Variants in XPO6 observed in about 807,000 individuals in gnomAD.
XPO6 encodes exportin 6.
A neutral mutation model predicts 130.0 loss-of-function variants in XPO6; 3 were observed. The observed-to-expected ratio is 0.02, with a 90% confidence interval of 0.01 to 0.06. The LOEUF (loss-of-function observed/expected upper bound fraction) is 0.06, where lower values mean the gene tolerates loss of function less well. Among genes scored for constraint, XPO6 ranks in the 10% least tolerant of loss-of-function variants. The pLI is 1.00. For missense variants in XPO6, 970 were observed against 1,393.0 expected, an observed-to-expected ratio of 0.70 and a Z score of 4.83; for synonymous variants, 524 against 548.9, an observed-to-expected ratio of 0.95 and a Z score of 0.63.
At position 28,101,649 on chromosome 16, in the gene XPO6, C is replaced by T; in HGVS notation, c.3085G>A (p.Val1029Met). 6.2e-7 allele frequency: 1 copy of T among 1,612,688 alleles called. No homozygotes were observed. The highest frequency in any genetic ancestry group is 1.1e-5 in the South Asian group (1 of 91,078). ...TTGTGGACCAGGACCTGGAGCAGCA[C>T]GTTCACAAACTGGAACAGCATGGCA... is the stretch of plus-strand genomic sequence containing the variant. ...RTAMLFQFVNVLLQVLVHKSH... is the reference protein window; with the variant it reads ...RTAMLFQFVNMLLQVLVHKSH... Residue 1029 changes from valine to methionine, a missense_variant, in exon 23 of 24, where the codon GTG becomes ATG. Physicochemically the swap from Val to Met is conservative, Grantham distance 21. Coordinates refer to ENST00000304658, the MANE Select transcript of XPO6 (RefSeq NM_015171.4). The surrounding 1 kb of genome is among the most constrained non-coding windows in gnomAD (Gnocchi z 5.4).
At chr16:28,138,099 A>G (rs906617588) in intron 9 of XPO6, among the ~76,000 whole-genome samples, 2 of 152,218 alleles carry the variant, frequency 1.3e-5, no homozygotes, top group Non-Finnish European at 2.9e-5. Context: ...CCGGCAGGGA[A>G]AAAGGCACTA....
intron 1 of XPO6, among the ~76,000 whole-genome samples, chr16:28,191,817 G>A (rs553912845): frequency 3.2e-4 from 48 of 152,340 alleles, no homozygotes; most frequent in African/African-American, 1.1e-3. Context: ...ATAAAAGCAT[G>A]CTGCAAATCT....
rs2044019551 is a variant in XPO6, at chr16:28,205,800, G to C, written c.3+5566C>G. 3.9e-5 allele frequency among the ~76,000 whole-genome samples: 6 copies of C among 152,094 alleles called. No homozygotes were observed. In the South Asian group the frequency reaches 1.2e-3, roughly 32 times the overall value. ...CGCCTGTAATCCCAGCACTTCGGGA[G>C]GCCCAGACGGGTGGATCATGTGAGG... is the stretch of plus-strand genomic sequence containing the variant. On this transcript the variant is annotated intron_variant, in intron 1 of 23. Transcript: ENST00000304658.
At chr16:28,112,371 G>C (rs1027512744) in intron 16 of XPO6, among the ~76,000 whole-genome samples, 2 of 152,202 alleles carry the variant, frequency 1.3e-5, no homozygotes, top group Non-Finnish European at 2.9e-5. Flanking sequence ...ACTTGCAGGA[G>C]AATCCGTGAC....
chr16:28,206,842 T>C (rs925138647), intron 1 of XPO6, among the ~76,000 whole-genome samples: 3 of 152,154 alleles, frequency 2.0e-5, no homozygotes, highest in Non-Finnish European at 2.9e-5. Flanking sequence ...TCTGAGAGCA[T>C]GGGGTACAAT....
intron 1 of XPO6, among the ~76,000 whole-genome samples, chr16:28,186,387 T>TTTTTTTTTTTTTTTTTTTTTTTTTTTTA (rs2043695807): frequency 1.4e-5 from 2 of 143,708 alleles, no homozygotes; most frequent in African/African-American, 2.7e-5. Flanking sequence ...TTTTTTTTTT[T>TTTTTTTTTTTTTTTTTTTTTTTTTTTTA]TTTTGCTAAA....
At chr16:28,198,634 T>C (rs954485723) in intron 1 of XPO6, among the ~76,000 whole-genome samples, 1 of 150,930 alleles carries the variant, frequency 6.6e-6, no homozygotes, top group Non-Finnish European at 1.5e-5. Flanking sequence ...CGAGATCCTA[T>C]CCTGATACAA....
At chr16:28,125,052 G>C (rs996644635) in intron 13 of XPO6, among the ~76,000 whole-genome samples, 1 of 152,194 alleles carries the variant, frequency 6.6e-6, no homozygotes, top group Non-Finnish European at 1.5e-5. Context: ...TGACTGAGTA[G>C]AATCAAGTGT....
intron 8 of XPO6, 108 bp from the exon 9 acceptor site, chr16:28,146,311 T>A (rs1177555653): frequency 2.2e-6 from 2 of 908,832 alleles, no homozygotes; most frequent in Non-Finnish European, 3.4e-6. Flanking sequence ...ATCATAAGCC[T>A]AGATTCCCCA....
At chr16:28,166,788 T>G (rs978464605) in intron 5 of XPO6, 1 of 985,340 alleles carries the variant, frequency 1.0e-6, no homozygotes, top group Non-Finnish European at 1.2e-6. Flanking sequence ...TGTGGCCTTG[T>G]GGTGTGGCCT....
chr16:28,143,930 C>T (rs945418186), intron 9 of XPO6, among the ~76,000 whole-genome samples: 2 of 152,170 alleles, frequency 1.3e-5, no homozygotes, highest in African/African-American at 4.8e-5. Flanking sequence ...CCACCGCACT[C>T]GGCCTTGTAC....
intron 4 of XPO6, among the ~76,000 whole-genome samples, chr16:28,170,573 A>G (rs2043433586): frequency 5.9e-5 from 9 of 152,188 alleles, no homozygotes; most frequent in Admixed American, 4.6e-4. Flanking sequence ...TATATAAATT[A>G]TATCTGTATT....
Position 28,154,469 on chromosome 16 carries a change from AAG to A in XPO6, c.1097+1603_1097+1604del, listed in dbSNP as rs546047543. The A allele has an allele frequency of 1.6e-4, 34 of 208,668 alleles. No individual in the cohort carries two copies. The East Asian group carries it at 6.1e-3, about 38-fold the overall frequency. 12.9% of individuals were successfully genotyped at this position (208,668 alleles called of 1,614,324 possible). A position where few individuals can be genotyped will look rare whatever the true frequency, so the allele number is the denominator to read the frequency against. ...GTTAGGGGAAAAGGCAGTAGAGGGA[AAG>A]AGAAGCCAAGGATCTGGTTAGCAGC... On this transcript the variant is annotated intron_variant, in intron 7 of 23. Transcript: ENST00000304658.
chr16:28,128,880 GC>G (rs1179530107), intron 12 of XPO6, among the ~76,000 whole-genome samples: 2 of 152,178 alleles, frequency 1.3e-5, no homozygotes, highest in African/African-American at 2.4e-5. Context: ...CAGCATGATA[GC>G]CCTGGGGATG....
At chr16:28,166,421 G>A in intron 6 of XPO6, 87 bp downstream of exon 6, 3 of 1,429,806 alleles carry the variant, frequency 2.1e-6, no homozygotes, top group East Asian at 2.5e-5. Flanking sequence ...AGCCTCCTCA[G>A]TACTGAGGAC....
intron 8 of XPO6, among the ~76,000 whole-genome samples, chr16:28,146,715 C>T (rs542316891): frequency 1.3e-5 from 2 of 152,318 alleles, no homozygotes; most frequent in East Asian, 1.9e-4. Context: ...TTGCAGTCTT[C>T]CTACAGAACA....
At chr16:28,121,414 T>C (rs1218336269) in intron 14 of XPO6, among the ~76,000 whole-genome samples, 1 of 152,216 alleles carries the variant, frequency 6.6e-6, no homozygotes, top group Non-Finnish European at 1.5e-5. Flanking sequence ...TCTCAGCCTG[T>C]ACTGTTCTTT....
At chr16:28,107,895 G>A (rs774073462) in intron 17 of XPO6, among the ~76,000 whole-genome samples, 3 of 152,124 alleles carry the variant, frequency 2.0e-5, no homozygotes, top group Non-Finnish European at 4.4e-5. Context: ...CAGAAGCCTG[G>A]AATGTGTGTT....
chr16:28,151,906 A>G (rs1252912449), intron 8 of XPO6, among the ~76,000 whole-genome samples: 6 of 152,156 alleles, frequency 3.9e-5, no homozygotes, highest in Non-Finnish European at 8.8e-5. Context: ...ACCAACAGGC[A>G]CGGGGGATAG....
Sources: gnomAD v4.1 joint callset for allele counts (sites outside exome capture counted in the v4.1 genomes callset) on GRCh38, gnomAD v4.1.1 for gene constraint, Gnocchi (gnomAD v3.1) non-coding constraint, MANE v1.5 for transcripts, NCBI Gene and HGNC (gene_info 2026-07-23, HGNC 2026-07-21) for gene names.